Variants in SYT9 observed in about 807,000 individuals in gnomAD.
SYT9 encodes the protein synaptotagmin 9.
Under a neutral mutation model 48.4 loss-of-function variants are expected in SYT9, and 22 were observed. That is an observed-to-expected ratio of 0.45 (90% CI 0.32 to 0.65). The LOEUF (loss-of-function observed/expected upper bound fraction) is 0.65. SYT9 is among the 30% of genes least tolerant of loss of function. The pLI is 0.03. For synonymous variants in SYT9, 265 were observed against 245.0 expected (o/e 1.08, Z -0.76); for missense variants, 577 against 622.0 (o/e 0.93, Z 0.77).
chr11:7,342,122 T>C (rs1589957806), intron 3 of SYT9, among the ~76,000 whole-genome samples: 1 of 152,286 alleles, frequency 6.6e-6, no homozygotes, highest in Admixed American at 6.5e-5. Flanking sequence ...CAATTCAAGA[T>C]GAGATTTGAG....
intron 6 of SYT9, among the ~76,000 whole-genome samples, chr11:7,464,055 G>T (rs997764028): frequency 4.6e-5 from 7 of 152,168 alleles, no homozygotes; most frequent in Non-Finnish European, 7.3e-5. Flanking sequence ...TACAGAGGTG[G>T]TCCCTAAGGC....
intron 6 of SYT9, among the ~76,000 whole-genome samples, chr11:7,455,246 T>C (rs1453901672): frequency 6.6e-6 from 1 of 151,872 alleles, no homozygotes; most frequent in Non-Finnish European, 1.5e-5. Context: ...TTTCTAAAAT[T>C]AGCACACATT....
Position 7,251,905 on chromosome 11 carries a change from C to T in SYT9, c.-282C>T. 1 of 343,918 alleles carries T rather than the reference C, an allele frequency of 2.9e-6. No individual in the cohort carries two copies. Among genetic ancestry groups the T allele is most frequent in the Non-Finnish European group, 5.2e-6 (1 of 190,676 alleles). 21.3% of individuals were successfully genotyped at this position (343,918 alleles called of 1,614,324 possible). A position where few individuals can be genotyped will look rare whatever the true frequency, so the allele number is the denominator to read the frequency against. On this transcript the variant is annotated 5_prime_UTR_variant, in exon 1 of 7. Coordinates refer to ENST00000318881, the MANE Select transcript of SYT9 (RefSeq NM_175733.4). Reference sequence around the variant, plus strand: ...CGGGCGGAGCGCAAGCAGAGAGGCGCTCTGGGCTGTGCGGCACCGCCTCTC... The same window carrying T: ...CGGGCGGAGCGCAAGCAGAGAGGCGTTCTGGGCTGTGCGGCACCGCCTCTC...
At chr11:7,383,989 A>T (rs73399533) in intron 3 of SYT9, among the ~76,000 whole-genome samples, 2,572 of 151,914 alleles carry the variant, frequency 0.017, 69 homozygotes, top group African/African-American at 0.058. Flanking sequence ...GTTAGATTTG[A>T]CTTGATTTTT....
chr11:7,248,638 C>T (rs1432858367), upstream of SYT9, among the ~76,000 whole-genome samples: 1 of 152,000 alleles, frequency 6.6e-6, no homozygotes, highest in East Asian at 1.9e-4. Flanking sequence ...AGGTGAAAGA[C>T]CTCTACAAGG....
At chr11:7,435,589 T>C (rs1847688556) in intron 6 of SYT9, 1 of 152,252 alleles carries the variant, frequency 6.6e-6, no homozygotes, top group Admixed American at 6.5e-5. Context: ...AATACAGTGC[T>C]GAGCCCTGTG....
chr11:7,352,247 A>G (rs994638920), intron 3 of SYT9, among the ~76,000 whole-genome samples: 1 of 152,194 alleles, frequency 6.6e-6, no homozygotes, highest in Non-Finnish European at 1.5e-5. Context: ...ATAAACTCAT[A>G]TTAGGTTAGA....
At chr11:7,363,240 G>T (rs1368362792) in intron 3 of SYT9, among the ~76,000 whole-genome samples, 14 of 152,000 alleles carry the variant, frequency 9.2e-5, no homozygotes, top group African/African-American at 3.4e-4. Context: ...ACTAGCTAGA[G>T]AAGTTAGTGG....
intron 3 of SYT9, among the ~76,000 whole-genome samples, chr11:7,397,835 C>CT (rs1434042382): frequency 6.6e-6 from 1 of 152,124 alleles, no homozygotes; most frequent in Non-Finnish European, 1.5e-5. Flanking sequence ...TGCTTTTGTA[C>CT]TGGCTTTGTT....
chr11:7,249,743 C>T (rs574622779), upstream of SYT9, among the ~76,000 whole-genome samples: 5 of 152,246 alleles, frequency 3.3e-5, no homozygotes, highest in South Asian at 4.1e-4. Context: ...CAAAGATACA[C>T]GTTATCTTTG....
rs539626407 is a variant in SYT9 at position 7,268,309 on chromosome 11, T to A, written c.145+15978T>A. Among the ~76,000 whole-genome samples, 3 of 152,064 alleles carry A rather than the reference T, an allele frequency of 2.0e-5. No individual in the cohort carries two copies. The East Asian group carries it at 5.8e-4, about 29-fold the overall frequency. On this transcript the variant is annotated intron_variant, in intron 1 of 6. Transcript: ENST00000318881. ...CGTTAAATATTTTGATATAAAATTA[T>A]CAAATTGTCCTCTAGAAAGGTTTAA...
chr11:7,437,365 A>G (rs1464394527), intron 6 of SYT9, among the ~76,000 whole-genome samples: 1 of 152,232 alleles, frequency 6.6e-6, no homozygotes, highest in African/African-American at 2.4e-5. Flanking sequence ...ATAGATATAA[A>G]ACTGAAACAA....
intron 3 of SYT9, among the ~76,000 whole-genome samples, chr11:7,410,076 C>T (rs1847106051): frequency 6.6e-6 from 1 of 152,168 alleles, no homozygotes; most frequent in African/African-American, 2.4e-5. Context: ...AAATTTTTTG[C>T]TTTTCATCTT....
chr11:7,342,765 A>G (rs1849736595), intron 3 of SYT9, among the ~76,000 whole-genome samples: 1 of 152,094 alleles, frequency 6.6e-6, no homozygotes, highest in Non-Finnish European at 1.5e-5. Flanking sequence ...TCAACACCAC[A>G]TTTCCCTTCC....
At chr11:7,430,596 A>C (rs1031996743) in intron 6 of SYT9, among the ~76,000 whole-genome samples, 4 of 152,156 alleles carry the variant, frequency 2.6e-5, no homozygotes, top group Non-Finnish European at 5.9e-5. Flanking sequence ...CCCAAACCTC[A>C]TGTTGAATTG....
Position 7,252,156 on chromosome 11 carries a change from G to A in SYT9, c.-31G>A. 2.8e-6 allele frequency: 4 copies of A among 1,405,034 alleles called. No homozygotes were observed. The highest frequency in any genetic ancestry group is 3.7e-6 in the Non-Finnish European group (4 of 1,083,742). 87.0% of individuals were successfully genotyped at this position (1,405,034 alleles called of 1,614,324 possible). ...GGAGGGCTGTCTCCTGCGCCCGCCT[G>A]CCCGGCGCGGTCCGAGGATGCGGGG... On this transcript the variant is annotated 5_prime_UTR_variant, in exon 1 of 7. Coordinates refer to ENST00000318881, the MANE Select transcript of SYT9 (RefSeq NM_175733.4). This position sits in a 1 kb window ranked among gnomAD's most constrained non-coding sequence, Gnocchi z 6.3.
intron 3 of SYT9, among the ~76,000 whole-genome samples, chr11:7,320,079 A>G (rs2133962963): frequency 6.6e-6 from 1 of 152,324 alleles, no homozygotes; most frequent in South Asian, 2.1e-4. Context: ...TAATCTGTGT[A>G]TTATATATTT....
At chr11:7,387,090 T>A (rs1170093403) in intron 3 of SYT9, among the ~76,000 whole-genome samples, 2 of 152,126 alleles carry the variant, frequency 1.3e-5, no homozygotes, top group Non-Finnish European at 2.9e-5. Context: ...TAGGTTGGAA[T>A]TGAACAATGA....
chr11:7,240,654 C>T (rs565915969), intron 1 of SYT9, among the ~76,000 whole-genome samples: 6 of 152,036 alleles, frequency 3.9e-5, no homozygotes, highest in South Asian at 2.1e-4. Context: ...TTGCTTTAAA[C>T]GAACTACTAC....
Sources: gnomAD v4.1 joint callset for allele counts (sites outside exome capture counted in the v4.1 genomes callset) on GRCh38, gnomAD v4.1.1 for gene constraint, Gnocchi (gnomAD v3.1) non-coding constraint, MANE v1.5 for transcripts, NCBI Gene and HGNC (gene_info 2026-07-23, HGNC 2026-07-21) for gene names.